GLIS3: variants seen among roughly 807,000 people sequenced by gnomAD.
GLIS3 encodes zinc finger protein GLIS3.
Under a neutral mutation model 78.6 loss-of-function variants are expected in GLIS3, and 53 were observed. That is an observed-to-expected ratio of 0.67 (90% CI 0.54 to 0.85). GLIS3 has a LOEUF of 0.85. GLIS3 is among the 40% of genes least tolerant of loss of function. The pLI, the probability that GLIS3 is intolerant of heterozygous loss-of-function variation, is 0.00. For synonymous variants in GLIS3, 684 were observed against 509.9 expected, an observed-to-expected ratio of 1.34 and a Z score of -4.60; for missense variants, 1,703 against 1,231.1, an observed-to-expected ratio of 1.38 and a Z score of -5.74.
chr9:4,402,068 G>A, the GLIS3 span, among the ~76,000 whole-genome samples: 7 of 152,180 alleles, frequency 4.6e-5, no homozygotes, highest in East Asian at 1.9e-4. Flanking sequence ...GGAACTCACC[G>A]TCTTAAAAGG....
intron 2 of GLIS3, among the ~76,000 whole-genome samples, chr9:4,260,746 A>G (rs981195176): frequency 2.6e-4 from 40 of 151,830 alleles, no homozygotes; most frequent in Non-Finnish European, 5.1e-4. Flanking sequence ...CTCCGTCCCA[A>G]AAAAGAAAAA....
At chr9:3,892,506 G>A (rs1349676225) in intron 7 of GLIS3, among the ~76,000 whole-genome samples, 1 of 152,144 alleles carries the variant, frequency 6.6e-6, no homozygotes, top group African/African-American at 2.4e-5. Context: ...TTCAGTGCCT[G>A]CAATATGCTC....
chr9:4,251,518 G>A (rs1466436816), intron 2 of GLIS3, among the ~76,000 whole-genome samples: 1 of 150,686 alleles, frequency 6.6e-6, no homozygotes, highest in Non-Finnish European at 1.5e-5. Context: ...CATGTGAGAT[G>A]AGTCTCCTGA....
At chr9:4,379,234 T>A in the GLIS3 span, among the ~76,000 whole-genome samples, 2 of 152,182 alleles carry the variant, frequency 1.3e-5, no homozygotes, top group Non-Finnish European at 2.9e-5. Flanking sequence ...TGTAAGCTCC[T>A]AATAAAACCC....
chr9:4,400,132 G>A, the GLIS3 span, among the ~76,000 whole-genome samples: 4 of 152,152 alleles, frequency 2.6e-5, no homozygotes, highest in African/African-American at 9.7e-5. Flanking sequence ...AACACAGGAG[G>A]TACATGTGTA....
At chr9:4,405,989 G>A in the GLIS3 span, among the ~76,000 whole-genome samples, 1 of 152,178 alleles carries the variant, frequency 6.6e-6, no homozygotes. Flanking sequence ...AATGGATGCT[G>A]AAAAAGCATT....
At position 3,951,149 on chromosome 9, in the gene GLIS3, T is replaced by A. The variant is rs573938475; in HGVS notation, c.1711-13960A>T. Among the ~76,000 whole-genome samples, 3 of 152,294 alleles carry A rather than the reference T, an allele frequency of 2.0e-5. No individual in the cohort carries two copies. In the East Asian group the frequency reaches 5.8e-4, roughly 29 times the overall value. On this transcript the variant is annotated intron_variant, in intron 4 of 10. Transcript: ENST00000381971. ...CAAAGTTATCCACCAGGGAGATGAA[T>A]AAATAGCTTCACTAAATACATATGG... is the stretch of plus-strand genomic sequence containing the variant.
Position 4,214,595 on chromosome 9 carries a change from G to A in GLIS3, c.388+71443C>T, listed in dbSNP as rs187507626. ...ACACATAAAATACGAAAGACAATGT[G>A]GGCGCAGTTTAGTGTGTCACTTTTT... On this transcript the variant is annotated intron_variant, in intron 2 of 10. Coordinates refer to ENST00000381971, the MANE Select transcript of GLIS3 (RefSeq NM_001042413.2). 7.9e-5 allele frequency among the ~76,000 whole-genome samples: 12 copies of A among 152,282 alleles called. No homozygotes were observed. The East Asian group carries it at 1.9e-3, about 24-fold the overall frequency.
intron 4 of GLIS3, among the ~76,000 whole-genome samples, chr9:3,955,904 C>T (rs1817068039): frequency 1.3e-5 from 2 of 151,700 alleles, no homozygotes; most frequent in Non-Finnish European, 1.5e-5. Flanking sequence ...GAGAAGTCTC[C>T]CTTTAATGAC....
At chr9:3,956,536 ACT>A (rs1817123556) in intron 4 of GLIS3, among the ~76,000 whole-genome samples, 1 of 152,156 alleles carries the variant, frequency 6.6e-6, no homozygotes. Flanking sequence ...TGGAGACATC[ACT>A]CTGATTCTCA....
chr9:4,384,935 G>C, the GLIS3 span, among the ~76,000 whole-genome samples: 1 of 151,384 alleles, frequency 6.6e-6, no homozygotes, highest in Non-Finnish European at 1.5e-5. Context: ...TCATTGTAAC[G>C]ATTTTCAACT....
intron 4 of GLIS3, among the ~76,000 whole-genome samples, chr9:4,070,496 G>A (rs1330998905): frequency 1.3e-5 from 2 of 151,564 alleles, no homozygotes; most frequent in Admixed American, 1.3e-4. Flanking sequence ...GTGTGCATGT[G>A]CGTAAGTATT....
intron 2 of GLIS3, among the ~76,000 whole-genome samples, chr9:4,325,533 C>T (rs961417305): frequency 6.6e-6 from 1 of 152,182 alleles, no homozygotes; most frequent in Non-Finnish European, 1.5e-5. Context: ...GCTCTCGATT[C>T]TCCTATGATT....
the GLIS3 span, among the ~76,000 whole-genome samples, chr9:4,398,398 T>C: frequency 8.8e-3 from 1,344 of 152,130 alleles, 32 homozygotes; most frequent in African/African-American, 0.031. Flanking sequence ...TTAAACAGCA[T>C]TCCCAGGTGA....
chr9:4,138,384 G>A (rs573099294), intron 2 of GLIS3, among the ~76,000 whole-genome samples: 265 of 152,276 alleles, frequency 1.7e-3, no homozygotes, highest in Non-Finnish European at 3.1e-3. Context: ...ACTAACACAG[G>A]AAACAATTGG....
the GLIS3 span, among the ~76,000 whole-genome samples, chr9:4,486,199 T>C: frequency 1.3e-5 from 2 of 152,178 alleles, no homozygotes; most frequent in Non-Finnish European, 2.9e-5. Flanking sequence ...CCCCAAAATA[T>C]GGCATTTTGA....
At chr9:4,212,777 T>G (rs1820487279) in intron 2 of GLIS3, among the ~76,000 whole-genome samples, 3 of 152,036 alleles carry the variant, frequency 2.0e-5, no homozygotes, top group African/African-American at 7.3e-5. Context: ...TAGGGCATAG[T>G]GTTAGAGGCA....
chr9:4,372,180 A>G, the GLIS3 span, among the ~76,000 whole-genome samples: 1 of 152,168 alleles, frequency 6.6e-6, no homozygotes, highest in African/African-American at 2.4e-5. Context: ...ATGAAGAAAG[A>G]GAGAGTGCCA....
rs922419273 is a variant in GLIS3, at chr9:4,256,786, C to T, written c.388+29252G>A. On this transcript the variant is annotated intron_variant, in intron 2 of 10. Transcript: ENST00000381971. The stretch of plus-strand genomic sequence containing the variant: ...AAAATTACACATTCACAAAAGAGTA[C>T]GGAAGCTCATCAAAAAAGTTAAGAG... 3.3e-5 allele frequency among the ~76,000 whole-genome samples: 4 copies of T among 120,858 alleles called. 1 individual carries two copies. In the East Asian group the frequency reaches 8.1e-4, roughly 25 times the overall value. 79.3% of individuals were successfully genotyped at this position (120,858 alleles called of 152,430 possible).
Sources: allele counts gnomAD v4.1 joint callset (sites outside exome capture counted in the v4.1 genomes callset), GRCh38; gene constraint gnomAD v4.1.1; transcripts MANE v1.5; gene names NCBI Gene and HGNC (gene_info 2026-07-23, HGNC 2026-07-21).